The following TEX9 variants were observed in gnomAD, a reference collection of about 807,000 sequenced individuals.
The protein encoded by TEX9 is testis expressed 9, also known as testis-expressed protein 9.
In TEX9, 74 loss-of-function variants were observed where a neutral mutation model predicts 59.6. The ratio of observed to expected loss-of-function variants is 1.24; its 90% confidence interval spans 1.03 to 1.51. The LOEUF (loss-of-function observed/expected upper bound fraction) is 1.51, where lower values mean the gene tolerates loss of function less well. Ranked by LOEUF, TEX9 falls within the 40% of genes most tolerant of loss-of-function variation. TEX9 has a pLI of 0.00. For missense variants in TEX9, 522 were observed against 447.8 expected, an observed-to-expected ratio of 1.17 and a Z score of -1.49; for synonymous variants, 186 against 152.2, an observed-to-expected ratio of 1.22 and a Z score of -1.64.
chr15:56,409,689 A>G (rs1455289144), intron 9 of TEX9: 1 of 152,156 alleles, frequency 6.6e-6, no homozygotes, highest in Non-Finnish European at 1.5e-5. Flanking sequence ...TTTTGTAGAG[A>G]CAAGGTCTCC....
upstream of TEX9, among the ~76,000 whole-genome samples, chr15:56,363,939 T>A (rs576847960): frequency 0.044 from 6,616 of 151,466 alleles, 218 homozygotes; most frequent in Admixed American, 0.086. Context: ...TGACTTAGCC[T>A]CCAAAGTGCT....
At position 56,322,663 on chromosome 15, in the gene TEX9, T is replaced by G. The variant is rs1455595864; in HGVS notation, c.-106-50778T>G. Among the ~76,000 whole-genome samples, 3 of 152,154 alleles carry G rather than the reference T, an allele frequency of 2.0e-5. No individual in the cohort carries two copies. The East Asian group carries it at 5.8e-4, about 29-fold the overall frequency. ...GTGACTCCAAGGCACAGTTGTATGATTTTTCTCTAGCGATGTTCAGGAGCC... is the reference window on the plus strand; with the variant it reads ...GTGACTCCAAGGCACAGTTGTATGAGTTTTCTCTAGCGATGTTCAGGAGCC... On this transcript the variant is annotated intron_variant, in intron 1 of 5. Transcript: ENST00000560827.
Position 56,300,708 on chromosome 15 carries a change from G to GGGA in TEX9, c.-107+56431_-107+56432insGAG, listed in dbSNP as rs1160272154. On this transcript the variant is annotated intron_variant, in intron 1 of 5. Coordinates refer to the TEX9 transcript ENST00000560827. The stretch of plus-strand genomic sequence containing the variant: ...AGCAGAGAGAGAGAGAGAGAGAGAG[G>GGGA]GAGAGAGAGAGAGAGAGAGAGAGAG... Among the ~76,000 whole-genome samples, 98 of 102,692 alleles carry GGGA rather than the reference G, an allele frequency of 9.5e-4. 1 individual carries two copies. Among genetic ancestry groups the GGGA allele is most frequent in the South Asian group, 9.0e-3 (25 of 2,780 alleles). The allele number at this position is 102,692 out of a possible 152,430, so 67.4% of individuals were successfully genotyped here.
In TEX9 at chr15:56,430,441, G is replaced by T. The variant is rs531902299; in HGVS notation, c.*29+1968G>T. Among the ~76,000 whole-genome samples, 18 of 152,216 alleles carry T rather than the reference G, an allele frequency of 1.2e-4. 1 individual carries two copies. In the South Asian group the frequency reaches 3.5e-3, roughly 30 times the overall value. On this transcript the variant is annotated intron_variant, in intron 12 of 12. Transcript: ENST00000352903. The stretch of plus-strand genomic sequence containing the variant: ...GGCTGGTCTTGAACTCCTGGGCTCA[G>T]GTGATCCTCCTGCCTCAGCCTCCCA...
chr15:56,261,126 T>C (rs1207129164), intron 1 of TEX9, among the ~76,000 whole-genome samples: 1 of 152,026 alleles, frequency 6.6e-6, no homozygotes, highest in Admixed American at 6.6e-5. Context: ...TCTTGATTGG[T>C]CTTGCTAAGA....
chr15:56,429,087 C>T (rs372484430), intron 12 of TEX9: 4 of 1,538,062 alleles, frequency 2.6e-6, no homozygotes, highest in Non-Finnish European at 2.7e-6. Flanking sequence ...ATGCTTTACC[C>T]AATTTTGATG....
chr15:56,252,849 T>A (rs1476755493), intron 1 of TEX9, among the ~76,000 whole-genome samples: 4 of 152,258 alleles, frequency 2.6e-5, no homozygotes, highest in African/African-American at 9.6e-5. Flanking sequence ...GTTTTCCAAT[T>A]GGTAAAAGTG....
rs557540688 is a variant in TEX9 at position 56,262,325 on chromosome 15, A to T, written c.-107+18047A>T. On this transcript the variant is annotated intron_variant, in intron 1 of 5. Transcript: ENST00000560827. Reference sequence around the variant, plus strand: ...CTTTAGCTACACCACATAAATTTTGATGAGTCGCATTTTCATTTTCATTAT... The same window carrying T: ...CTTTAGCTACACCACATAAATTTTGTTGAGTCGCATTTTCATTTTCATTAT... Among the ~76,000 whole-genome samples, 6 of 152,304 alleles carry T rather than the reference A, an allele frequency of 3.9e-5. No individual in the cohort carries two copies. The South Asian group carries it at 1.0e-3, about 26-fold the overall frequency.
intron 7 of TEX9, 147 bp from the exon 8 acceptor site, chr15:56,394,018 G>A: frequency 1.7e-6 from 1 of 583,886 alleles, no homozygotes; most frequent in Non-Finnish European, 3.0e-6. Flanking sequence ...TAGGACTGTT[G>A]AGTACCTATA....
At chr15:56,443,900 TA>T in intron 12 of TEX9, 1 of 1,344,428 alleles carries the variant, frequency 7.4e-7, no homozygotes, top group Non-Finnish European at 1.0e-6. Flanking sequence ...CAATAAAATA[TA>T]AAAAAGTAAT....
intron 10 of TEX9, among the ~76,000 whole-genome samples, chr15:56,417,826 T>C (rs759566453): frequency 6.6e-6 from 1 of 151,920 alleles, no homozygotes; most frequent in Non-Finnish European, 1.5e-5. Flanking sequence ...TATGTCTCTT[T>C]GTAGGTTTCT....
chr15:56,320,425 G>C lies in TEX9; in HGVS notation c.-106-53016G>C, dbSNP rs369064835. ...GTAAGGGCTCTCTTCCTGGCTTGCA[G>C]AGGGCTTCCTTTTTACTATGTCCTT... On this transcript the variant is annotated intron_variant, in intron 1 of 5. Transcript: ENST00000560827. Among the ~76,000 whole-genome samples, 166 of 152,270 alleles carry C rather than the reference G, an allele frequency of 1.1e-3. 1 individual carries two copies. The highest frequency in any genetic ancestry group is 3.7e-3 in the African/African-American group (152 of 41,546).
chr15:56,421,287 C>T (rs1465382164), intron 10 of TEX9, among the ~76,000 whole-genome samples: 1 of 151,716 alleles, frequency 6.6e-6, no homozygotes, highest in Non-Finnish European at 1.5e-5. Context: ...GAATTGACCT[C>T]TTATTATTTA....
intron 1 of TEX9, among the ~76,000 whole-genome samples, chr15:56,255,912 G>T (rs1446072948): frequency 6.6e-6 from 1 of 151,992 alleles, no homozygotes; most frequent in East Asian, 1.9e-4. Context: ...TGAATGCATA[G>T]TCTCCTCAAA....
intron 1 of TEX9, among the ~76,000 whole-genome samples, chr15:56,320,224 T>G (rs2045872725): frequency 6.6e-6 from 1 of 152,228 alleles, no homozygotes. Flanking sequence ...GTGTATTCTC[T>G]GCTGAAGTGT....
intron 12 of TEX9, among the ~76,000 whole-genome samples, chr15:56,436,791 C>T (rs190527389): frequency 1.1e-4 from 16 of 151,512 alleles, no homozygotes; most frequent in African/African-American, 3.4e-4. Flanking sequence ...ACAGATCCAA[C>T]GGAAATACTA....
At chr15:56,410,657 G>A (rs2049302939) in intron 9 of TEX9, among the ~76,000 whole-genome samples, 1 of 152,108 alleles carries the variant, frequency 6.6e-6, no homozygotes, top group East Asian at 1.9e-4. Flanking sequence ...CTCCCAAGAA[G>A]AGGGCAGTAT....
At chr15:56,458,925 T>C in the TEX9 span, among the ~76,000 whole-genome samples, 1 of 152,236 alleles carries the variant, frequency 6.6e-6, no homozygotes, top group Non-Finnish European at 1.5e-5. Flanking sequence ...ACATTTGTGC[T>C]ATGGCAGCTA....
At chr15:56,408,081 A>G (rs1487386816) in intron 9 of TEX9, among the ~76,000 whole-genome samples, 3 of 152,236 alleles carry the variant, frequency 2.0e-5, no homozygotes, top group Non-Finnish European at 4.4e-5. Flanking sequence ...AAACTTCTTT[A>G]GATCTTACAT....
Sources: gnomAD v4.1 joint callset for allele counts (sites outside exome capture counted in the v4.1 genomes callset) on GRCh38, gnomAD v4.1.1 for gene constraint, MANE v1.5 for transcripts, NCBI Gene and HGNC (gene_info 2026-07-23, HGNC 2026-07-21) for gene names.